Variants in DNAH8 observed in about 807,000 individuals in gnomAD.
DNAH8 encodes dynein axonemal heavy chain 8.
DNAH8 carries 382 observed loss-of-function variants against 562.1 expected under a neutral mutation model. The observed-to-expected ratio is 0.68, with a 90% CI of 0.63 to 0.74. The LOEUF is 0.74. Ranked by LOEUF, DNAH8 falls within the 30% of genes least tolerant of loss-of-function variation. The pLI, the probability that DNAH8 is intolerant of heterozygous loss-of-function variation, is 0.00. For missense variants in DNAH8, 5,203 were observed against 5,620.4 expected (o/e 0.93, Z 2.37); for synonymous variants, 1,881 against 1,919.4 (o/e 0.98, Z 0.52).
Position 38,971,680 on chromosome 6 carries a change from A to G in DNAH8, c.12525+15A>G, listed in dbSNP as rs1263594406. 1 of 1,574,294 alleles carries G rather than the reference A, an allele frequency of 6.4e-7. No individual in the cohort carries two copies. The highest frequency in any genetic ancestry group is 1.4e-5 in the African/African-American group (1 of 73,642). On this transcript the variant is annotated intron_variant, in intron 83 of 92. Transcript: ENST00000327475. ...CAATGCAGCAGGTATGTGACAAGAG[A>G]CTGCTCCTGCTGCAACATTATTGCT...
intron 79 of DNAH8, among the ~76,000 whole-genome samples, chr6:38,939,863 G>A (rs1783297238): frequency 6.6e-6 from 1 of 152,150 alleles, no homozygotes; most frequent in Non-Finnish European, 1.5e-5. Context: ...ACCCTGAAGA[G>A]GTAGAAATGA....
At chr6:39,016,056 T>C (rs1214490333) in intron 91 of DNAH8, among the ~76,000 whole-genome samples, 1 of 152,230 alleles carries the variant, frequency 6.6e-6, no homozygotes, top group Non-Finnish European at 1.5e-5. Context: ...AGATTACAGC[T>C]ACTCCATACA....
chr6:38,738,016 G>A, intron 7 of DNAH8, 44 bp downstream of exon 7: 1 of 1,574,754 alleles, frequency 6.4e-7, no homozygotes, highest in South Asian at 1.1e-5. Context: ...TAGTTTTCAT[G>A]TGCATCCTAG....
chr6:38,863,555 C>G (rs1253912025), intron 44 of DNAH8, among the ~76,000 whole-genome samples: 1 of 152,172 alleles, frequency 6.6e-6, no homozygotes, highest in Non-Finnish European at 1.5e-5. Context: ...CAACTTCGAC[C>G]TATCCTTTAC....
intron 39 of DNAH8, 102 bp from the exon 40 acceptor site, chr6:38,852,592 A>G: frequency 1.2e-6 from 1 of 800,766 alleles, no homozygotes; most frequent in Non-Finnish European, 2.0e-6. Context: ...AATAAAGTAA[A>G]TACTTAACCT....
intron 5 of DNAH8, among the ~76,000 whole-genome samples, chr6:38,736,611 T>C (rs1262409376): frequency 6.6e-6 from 1 of 152,176 alleles, no homozygotes; most frequent in Non-Finnish European, 1.5e-5. Context: ...ATGTATCAAT[T>C]GAAAGGTCAC....
intron 91 of DNAH8, among the ~76,000 whole-genome samples, chr6:39,014,231 C>G (rs1766418563): frequency 6.6e-6 from 1 of 152,134 alleles, no homozygotes; most frequent in African/African-American, 2.4e-5. Context: ...GGGCAGCCCC[C>G]AGATTTCACT....
intron 16 of DNAH8, 130 bp from the exon 17 acceptor site, chr6:38,782,874 T>G (rs1768777292): frequency 2.4e-6 from 2 of 819,602 alleles, no homozygotes; most frequent in Admixed American, 2.7e-5. Context: ...CATCTCTGTT[T>G]TACTGTGAGG....
intron 1 of DNAH8, among the ~76,000 whole-genome samples, chr6:38,721,214 G>C (rs1762722137): frequency 6.6e-6 from 1 of 152,178 alleles, no homozygotes; most frequent in African/African-American, 2.4e-5. Flanking sequence ...AACTCAGAAG[G>C]CTGAGGTGGG....
intron 4 of DNAH8, among the ~76,000 whole-genome samples, chr6:38,733,818 C>T (rs563963183): frequency 2.6e-4 from 38 of 146,720 alleles, no homozygotes; most frequent in African/African-American, 8.6e-4. Flanking sequence ...GGCTGAGGCA[C>T]GAGAATCGCT....
chr6:38,792,929 C>T (rs1041351946), intron 21 of DNAH8, among the ~76,000 whole-genome samples: 1 of 152,046 alleles, frequency 6.6e-6, no homozygotes, highest in African/African-American at 2.4e-5. Flanking sequence ...CAGGTGCATA[C>T]CACCACAACT....
chr6:38,978,774 C>G (rs1171286118), intron 85 of DNAH8, among the ~76,000 whole-genome samples: 1 of 152,210 alleles, frequency 6.6e-6, no homozygotes, highest in Non-Finnish European at 1.5e-5. Context: ...AACAACTTTT[C>G]ATCAGTGTTC....
At chr6:38,903,852 C>T (rs987183977) in intron 62 of DNAH8, among the ~76,000 whole-genome samples, 3 of 151,952 alleles carry the variant, frequency 2.0e-5, no homozygotes, top group African/African-American at 4.8e-5. Context: ...CCTTGTGATC[C>T]ACCTGCCTCA....
At chr6:38,799,696 T>G (rs1770603310) in intron 21 of DNAH8, among the ~76,000 whole-genome samples, 1 of 151,656 alleles carries the variant, frequency 6.6e-6, no homozygotes, top group Non-Finnish European at 1.5e-5. Context: ...CAACCATCAC[T>G]GCAATCAATT....
In DNAH8 at chr6:38,990,003, C is replaced by T; in HGVS notation, c.13054-9C>T. 1 of 1,538,604 alleles carries T rather than the reference C, an allele frequency of 6.5e-7. No individual in the cohort carries two copies. The highest frequency in any genetic ancestry group is 8.8e-7 in the Non-Finnish European group (1 of 1,130,388). ...CAATTTTATTTCTTTTGTTTTCTCT[C>T]ACATACAGGTCTGGTTCAGTGAGAA... On this transcript the variant is annotated splice_polypyrimidine_tract_variant and intron_variant, in intron 87 of 92. Coordinates refer to ENST00000327475, the MANE Select transcript of DNAH8 (RefSeq NM_001206927.2).
intron 88 of DNAH8, among the ~76,000 whole-genome samples, chr6:38,999,180 A>C (rs371500070): frequency 6.6e-6 from 1 of 152,168 alleles, no homozygotes; most frequent in Admixed American, 6.5e-5. Flanking sequence ...ATCACTCATC[A>C]TGAAAGTGAT....
At position 38,989,424 on chromosome 6, in the gene DNAH8, G is replaced by T. The variant is rs1764632248; in HGVS notation, c.13054-588G>T. Among the ~76,000 whole-genome samples, 3 of 152,288 alleles carry T rather than the reference G, an allele frequency of 2.0e-5. No individual in the cohort carries two copies. In the South Asian group the frequency reaches 6.2e-4, roughly 32 times the overall value. On this transcript the variant is annotated intron_variant, in intron 87 of 92. Coordinates refer to ENST00000327475, the MANE Select transcript of DNAH8 (RefSeq NM_001206927.2). ...GATAATTCATATGGAATAAGAAAGG[G>T]ATGTCTTAAGGCAAACAGCAAGGCA...
chr6:38,726,506 C>T lies in DNAH8; in HGVS notation c.525+3035C>T, dbSNP rs190221387. 4.7e-4 allele frequency among the ~76,000 whole-genome samples: 71 copies of T among 152,266 alleles called. No individual in the cohort carries two copies. In the East Asian group the frequency reaches 7.5e-3, roughly 16 times the overall value. On this transcript the variant is annotated intron_variant, in intron 3 of 92. Coordinates refer to ENST00000327475, the MANE Select transcript of DNAH8 (RefSeq NM_001206927.2). ...TTTGGGTCCATGTGGTTAGATTCTA[C>T]CTTTAAGGCCATTATGGTCCAGGAC... is the stretch of plus-strand genomic sequence containing the variant.
chr6:38,915,388 C>T lies in DNAH8; in HGVS notation c.10140+11C>T. The T allele has an allele frequency of 3.3e-6, 5 of 1,538,114 alleles. No individual in the cohort carries two copies. Among genetic ancestry groups the T allele is most frequent in the Non-Finnish European group, 4.3e-6 (5 of 1,149,856 alleles). ...GAAGCAGCCCTGAATGTGAGCAGTGCATTGTTACCCCTTCCAACACAAGTC... is the reference window on the plus strand; with the variant it reads ...GAAGCAGCCCTGAATGTGAGCAGTGTATTGTTACCCCTTCCAACACAAGTC... On this transcript the variant is annotated intron_variant, in intron 68 of 92. Coordinates refer to ENST00000327475, the MANE Select transcript of DNAH8 (RefSeq NM_001206927.2).
Sources: gnomAD v4.1 joint callset for allele counts (sites outside exome capture counted in the v4.1 genomes callset) on GRCh38, gnomAD v4.1.1 for gene constraint, MANE v1.5 for transcripts, NCBI Gene and HGNC (gene_info 2026-07-23, HGNC 2026-07-21) for gene names.